ASAP2: variants seen among roughly 807,000 people sequenced by gnomAD.
The protein encoded by ASAP2 is ArfGAP with SH3 domain, ankyrin repeat and PH domain 2.
Under a neutral mutation model 131.4 loss-of-function variants are expected in ASAP2, and 45 were observed. That is an observed-to-expected ratio of 0.34 (90% CI 0.27 to 0.44). The LOEUF (loss-of-function observed/expected upper bound fraction) is 0.44. Ranked by LOEUF, ASAP2 falls within the 20% of genes least tolerant of loss-of-function variation. The pLI is 1.00. For missense variants in ASAP2, 1,011 were observed against 1,297.0 expected (o/e 0.78, Z 3.39); for synonymous variants, 510 against 503.0 (o/e 1.01, Z -0.19).
chr2:9,344,713 C>T lies in ASAP2; in HGVS notation c.954-18C>T, dbSNP rs745812154. ...CAAAATGTCTAAACTCTTATTGTTT[C>T]TCCCACTTATCCACAAGGATCCGAA... On this transcript the variant is annotated intron_variant, in intron 10 of 27. Transcript: ENST00000281419. 1.9e-6 allele frequency: 3 copies of T among 1,613,952 alleles called. No homozygotes were observed. Among genetic ancestry groups the T allele is most frequent in the South Asian group, 2.2e-5 (2 of 91,064 alleles).
At chr2:9,215,880 C>T (rs906660209) in intron 1 of ASAP2, among the ~76,000 whole-genome samples, 3 of 152,062 alleles carry the variant, frequency 2.0e-5, no homozygotes, top group Non-Finnish European at 4.4e-5. Flanking sequence ...GTTTTACATC[C>T]GTGGGGTGCC....
At chr2:9,258,333 T>G (rs1355818280) in intron 1 of ASAP2, among the ~76,000 whole-genome samples, 1 of 122,040 alleles carries the variant, frequency 8.2e-6, no homozygotes, top group Non-Finnish European at 1.6e-5. Context: ...TAATCAGTAG[T>G]TGTTTTTTTT....
At chr2:9,317,113 C>T in intron 3 of ASAP2, among the ~76,000 whole-genome samples, 1 of 58,092 alleles carries the variant, frequency 1.7e-5, no homozygotes, top group Non-Finnish European at 4.0e-5. Flanking sequence ...TCATACCCCA[C>T]GCAATCACAA....
chr2:9,216,282 ATT>A (rs113751391), intron 1 of ASAP2, among the ~76,000 whole-genome samples: 311 of 123,724 alleles, frequency 2.5e-3, no homozygotes, highest in African/African-American at 8.5e-3. Flanking sequence ...GTCAGTTCAT[ATT>A]TTTTTTTTTT....
intron 1 of ASAP2, among the ~76,000 whole-genome samples, chr2:9,237,925 G>GGT (rs990733523): frequency 3.9e-5 from 6 of 152,198 alleles, no homozygotes; most frequent in African/African-American, 1.4e-4. Flanking sequence ...AGAGCCCTGA[G>GGT]GTGAGGTAAA....
intron 1 of ASAP2, among the ~76,000 whole-genome samples, chr2:9,239,010 T>C (rs1663752895): frequency 6.6e-6 from 1 of 152,202 alleles, no homozygotes; most frequent in South Asian, 2.1e-4. Flanking sequence ...AGTGGCCTCC[T>C]GCCCATCCCT....
intron 1 of ASAP2, among the ~76,000 whole-genome samples, chr2:9,210,762 G>C (rs902589234): frequency 1.8e-4 from 27 of 152,032 alleles, no homozygotes; most frequent in Admixed American, 1.6e-3. Context: ...CACCGTGTTA[G>C]CCAGGATGGT....
chr2:9,224,541 G>GTCA (rs1662634818), intron 1 of ASAP2, among the ~76,000 whole-genome samples: 1 of 152,146 alleles, frequency 6.6e-6, no homozygotes, highest in African/African-American at 2.4e-5. Flanking sequence ...AGGTTGTCGT[G>GTCA]TCATCCTTTG....
intron 1 of ASAP2, among the ~76,000 whole-genome samples, chr2:9,221,099 A>C (rs181838313): frequency 1.4e-4 from 21 of 151,958 alleles, no homozygotes; most frequent in African/African-American, 5.1e-4. Context: ...GAGTCTTTCA[A>C]CTTTGTTTTT....
At chr2:9,294,753 T>G (rs1183193395) in intron 2 of ASAP2, among the ~76,000 whole-genome samples, 1 of 152,180 alleles carries the variant, frequency 6.6e-6, no homozygotes, top group East Asian at 1.9e-4. Flanking sequence ...GCATAGAGTC[T>G]TCAGCTTCTC....
In ASAP2 at chr2:9,315,087, T is replaced by C. The variant is rs1297652094; in HGVS notation, c.346-3437T>C. On this transcript the variant is annotated intron_variant, in intron 3 of 27. Transcript: ENST00000281419. The stretch of plus-strand genomic sequence containing the variant: ...GGATAGGGAAGACGTTTCCGTCGAA[T>C]AGAACAAATTGAGCACATGCGTAGA... 3.9e-5 allele frequency among the ~76,000 whole-genome samples: 6 copies of C among 152,132 alleles called. 1 individual carries two copies. Among genetic ancestry groups the C allele is most frequent in the Non-Finnish European group, 8.8e-5 (6 of 68,026 alleles).
intron 19 of ASAP2, among the ~76,000 whole-genome samples, chr2:9,379,553 G>A (rs1028830310): frequency 2.0e-5 from 3 of 152,130 alleles, no homozygotes; most frequent in Non-Finnish European, 4.4e-5. Context: ...CTCTCTCGAG[G>A]ACCCCGACAT....
At chr2:9,240,833 C>A (rs1663910068) in intron 1 of ASAP2, among the ~76,000 whole-genome samples, 1 of 152,050 alleles carries the variant, frequency 6.6e-6, no homozygotes. Context: ...GCTCTGGGAC[C>A]ATTATTATGT....
Position 9,358,812 on chromosome 2 carries a change from A to G in ASAP2, c.1384A>G (p.Ile462Val). Residue 462 changes from isoleucine (I) to valine (V), a missense_variant, in exon 15 of 28, where the codon ATC becomes GTC. By Grantham distance (29) the Ile-to-Val change is conservative (BLOSUM62 3). Transcript: ENST00000281419. The part of the protein sequence containing the change: ...GILTCIECSG[I>V]HRELGVHYSR... ...CCTGACCTGCATCGAGTGTTCCGGA[A>G]TCCACCGAGAGCTGGGGGTTCATTA... 2 of 1,612,614 alleles carry G rather than the reference A, an allele frequency of 1.2e-6. No individual in the cohort carries two copies. Among genetic ancestry groups the G allele is most frequent in the Non-Finnish European group, 1.7e-6 (2 of 1,179,438 alleles).
At chr2:9,272,299 G>A (rs555427526) in intron 1 of ASAP2, among the ~76,000 whole-genome samples, 49 of 152,252 alleles carry the variant, frequency 3.2e-4, no homozygotes, top group Middle Eastern at 3.4e-3. Flanking sequence ...TGCATTGCTC[G>A]GATGATCAAT....
chr2:9,235,036 T>C (rs1240549090), intron 1 of ASAP2, among the ~76,000 whole-genome samples: 1 of 152,116 alleles, frequency 6.6e-6, no homozygotes, highest in Non-Finnish European at 1.5e-5. Context: ...TTCTGCTTGC[T>C]CTGCCTCTCA....
chr2:9,391,280 G>C, intron 23 of ASAP2, 84 bp downstream of exon 23: 3 of 1,525,174 alleles, frequency 2.0e-6, no homozygotes, highest in Non-Finnish European at 2.6e-6. Flanking sequence ...CCACACAGCT[G>C]CCAGCACAGA....
At chr2:9,356,855 C>G (rs1275620735) in intron 14 of ASAP2, among the ~76,000 whole-genome samples, 1 of 152,156 alleles carries the variant, frequency 6.6e-6, no homozygotes, top group Non-Finnish European at 1.5e-5. Context: ...CTGACACATT[C>G]TGTGAAATAA....
In ASAP2 at chr2:9,350,885, C is replaced by T. The variant is rs200363543; in HGVS notation, c.1101C>T (p.Asp367=). 4.3e-6 allele frequency: 7 copies of T among 1,611,764 alleles called. No individual in the cohort carries two copies. The highest frequency in any genetic ancestry group is 5.9e-6 in the Non-Finnish European group (7 of 1,178,434). Residue 367 remains aspartate (D), a synonymous_variant, in exon 12 of 28, where the codon GAC becomes GAT. Transcript: ENST00000281419. ...KTNPEEKKCF[D]LISHDRTYHF... ...ACCCTGAGGAGAAGAAGTGCTTTGA[C>T]CTCATTTCACGTAAGGCTCCCTCTG...
Sources: gnomAD v4.1 joint callset for allele counts (sites outside exome capture counted in the v4.1 genomes callset) on GRCh38, gnomAD v4.1.1 for gene constraint, MANE v1.5 for transcripts, NCBI Gene and HGNC (gene_info 2026-07-23, HGNC 2026-07-21) for gene names.